Variants in GRIP2 observed in about 807,000 individuals in gnomAD.
The protein encoded by GRIP2 is glutamate receptor-interacting protein 2.
In GRIP2, 58 loss-of-function variants were observed where a neutral mutation model predicts 108.3. The ratio of observed to expected loss-of-function variants is 0.54; its 90% confidence interval spans 0.43 to 0.67. GRIP2 has a LOEUF of 0.67. GRIP2 is among the 30% of genes least tolerant of loss of function. The pLI is 0.00. For missense variants in GRIP2, 1,278 were observed against 1,430.6 expected (o/e 0.89, Z 1.72); for synonymous variants, 586 against 598.2 (o/e 0.98, Z 0.30).
upstream of GRIP2, among the ~76,000 whole-genome samples, chr3:14,544,775 G>C (rs1241690583): frequency 6.6e-6 from 1 of 152,222 alleles, no homozygotes; most frequent in East Asian, 1.9e-4. Flanking sequence ...ATTTCAGCCA[G>C]GTAGGCATTA....
chr3:14,574,132 G>T, the GRIP2 span: 1 of 977,516 alleles, frequency 1.0e-6, no homozygotes, highest in Non-Finnish European at 1.7e-6. Context: ...AAGTCCACGG[G>T]CACGATGCCA....
rs11718660 is a variant in GRIP2 at position 14,490,278 on chromosome 3, A to C, written c.*3387T>G. ...GGAATAGAGCCCACCTCCAAAGGCT[A>C]TTGGGAGGATCCAGCAAGCTCTTGC... On this transcript the variant is annotated 3_prime_UTR_variant, in exon 24 of 24. Transcript: ENST00000621039. The C allele has an allele frequency of 0.41, 62,519 of 152,370 alleles. 15,495 individuals are homozygous for C. The highest frequency in any genetic ancestry group is 0.54 in the Non-Finnish European group (36,739 of 68,134). The allele number at this position is 152,370 out of a possible 1,614,324, so 9.4% of individuals were successfully genotyped here.
intron 9 of GRIP2, among the ~76,000 whole-genome samples, chr3:14,519,083 C>T (rs1300148323): frequency 1.3e-5 from 2 of 152,176 alleles, no homozygotes; most frequent in Middle Eastern, 3.2e-3. Context: ...GTGCAGGCCG[C>T]GGCACCGAAC....
At chr3:14,599,448 C>T in the GRIP2 span, among the ~76,000 whole-genome samples, 1 of 152,092 alleles carries the variant, frequency 6.6e-6, no homozygotes, top group South Asian at 2.1e-4. Flanking sequence ...TTTGCTGCCG[C>T]CCTCAACTCC....
In GRIP2 at chr3:14,507,161, T is replaced by C. The variant is rs934778098; in HGVS notation, c.2219-181A>G. On this transcript the variant is annotated intron_variant, in intron 18 of 23. Coordinates refer to ENST00000621039, the MANE Select transcript of GRIP2 (RefSeq NM_001080423.4). The surrounding 1 kb of genome is among the most constrained non-coding windows in gnomAD (Gnocchi z 4.6). ...TGGGAAAACTGAGGCTCGGGGAAGC[T>C]GAGCAGCATGCCCGAGATCACACAG... is the stretch of plus-strand genomic sequence containing the variant. 1.3e-5 allele frequency among the ~76,000 whole-genome samples: 2 copies of C among 152,040 alleles called. No individual in the cohort carries two copies. Among genetic ancestry groups the C allele is most frequent in the African/African-American group, 4.8e-5 (2 of 41,380 alleles).
chr3:14,496,159 A>G (rs1693594025), intron 22 of GRIP2, among the ~76,000 whole-genome samples: 1 of 152,182 alleles, frequency 6.6e-6, no homozygotes, highest in Admixed American at 6.5e-5. Flanking sequence ...AAATAAATAC[A>G]TAGATAAAAT....
the GRIP2 span, among the ~76,000 whole-genome samples, chr3:14,567,940 G>A: frequency 1.1e-4 from 16 of 152,194 alleles, no homozygotes; most frequent in Non-Finnish European, 2.1e-4. Context: ...GGGAATAGGG[G>A]ACCCAACCAT....
chr3:14,527,926 T>G (rs929464730), intron 1 of GRIP2, among the ~76,000 whole-genome samples: 1 of 152,132 alleles, frequency 6.6e-6, no homozygotes, highest in Non-Finnish European at 1.5e-5. Context: ...AAATAAAAAT[T>G]TAAATATAGT....
In GRIP2 at chr3:14,506,471, G is replaced by A. The variant is rs141484858; in HGVS notation, c.2398+330C>T. On this transcript the variant is annotated intron_variant, in intron 19 of 23. Transcript: ENST00000621039. ...GAATGAACATTGTTGAGCACCTACTGTGTGCCAGACATTGGGCTAGGAAGG... is the reference window on the plus strand; with the variant it reads ...GAATGAACATTGTTGAGCACCTACTATGTGCCAGACATTGGGCTAGGAAGG... Among the ~76,000 whole-genome samples the A allele has an allele frequency of 2.0e-5, 3 of 152,310 alleles. No homozygotes were observed. The East Asian group carries it at 5.8e-4, about 29-fold the overall frequency.
At chr3:14,514,570 G>A in intron 11 of GRIP2, 92 bp from the exon 12 acceptor site, 1 of 1,326,502 alleles carries the variant, frequency 7.5e-7, no homozygotes, top group South Asian at 1.5e-5. Flanking sequence ...AGGCACTGGA[G>A]CCAGAGTGCA....
At chr3:14,526,941 C>A (rs1458258221) in intron 1 of GRIP2, among the ~76,000 whole-genome samples, 1 of 152,184 alleles carries the variant, frequency 6.6e-6, no homozygotes, top group Non-Finnish European at 1.5e-5. Context: ...AATCTCAACA[C>A]TTTGGGAGGC....
At chr3:14,555,981 C>T (rs1227036820) in exon 1 of GRIP2, 1 of 398,874 alleles carries the variant, frequency 2.5e-6, no homozygotes, top group Non-Finnish European at 4.4e-6. Flanking sequence ...CCGGCAGAGC[C>T]CTGTGCAGCC....
At chr3:14,577,757 AC>A in the GRIP2 span, among the ~76,000 whole-genome samples, 1 of 152,134 alleles carries the variant, frequency 6.6e-6, no homozygotes, top group East Asian at 1.9e-4. Context: ...GCTCACATGC[AC>A]CCTAGGTGCA....
the GRIP2 span, among the ~76,000 whole-genome samples, chr3:14,569,480 C>T: frequency 4.3e-3 from 650 of 152,306 alleles, 5 homozygotes; most frequent in Middle Eastern, 0.017. Context: ...GGGCAATGGG[C>T]TTGGCCAATC....
the GRIP2 span, among the ~76,000 whole-genome samples, chr3:14,583,340 C>A: frequency 3.3e-5 from 5 of 152,198 alleles, no homozygotes; most frequent in African/African-American, 1.2e-4. Flanking sequence ...GTGGTCAAAC[C>A]ATCATGAGAG....
chr3:14,540,638 G>A (rs966425652), upstream of GRIP2, among the ~76,000 whole-genome samples: 1 of 152,180 alleles, frequency 6.6e-6, no homozygotes, highest in Non-Finnish European at 1.5e-5. This position sits in a 1 kb window ranked among gnomAD's most constrained non-coding sequence, Gnocchi z 4.1. Flanking sequence ...TTTGGCAAAC[G>A]ACTCTTCCCT....
the GRIP2 span, among the ~76,000 whole-genome samples, chr3:14,586,662 A>G: frequency 1.3e-5 from 2 of 152,352 alleles, no homozygotes. Flanking sequence ...CTTAAAAATG[A>G]CAAGTGTAAG....
the GRIP2 span, among the ~76,000 whole-genome samples, chr3:14,578,046 T>C: frequency 7.2e-5 from 11 of 152,176 alleles, no homozygotes; most frequent in African/African-American, 2.2e-4. Flanking sequence ...AGACCTAGAC[T>C]CAGATTGAGC....
rs115668486 is a variant in GRIP2, at chr3:14,521,266, G to A, written c.712+376C>T. ...GCTGTCCCTGGACATTCCATGCCTC[G>A]CTCATTCCCTCACTCCCCTAGTGAG... On this transcript the variant is annotated intron_variant, in intron 7 of 23. Transcript: ENST00000621039. This position sits in a 1 kb window ranked among gnomAD's most constrained non-coding sequence, Gnocchi z 5.1. 813 of 185,952 alleles carry A rather than the reference G, an allele frequency of 4.4e-3. 4 individuals carry two copies. The highest frequency in any genetic ancestry group is 0.018 in the Middle Eastern group (8 of 438). The allele number at this position is 185,952 out of a possible 1,614,324, so 11.5% of individuals were successfully genotyped here.
Sources: gnomAD v4.1 joint callset for allele counts (sites outside exome capture counted in the v4.1 genomes callset) on GRCh38, gnomAD v4.1.1 for gene constraint, Gnocchi (gnomAD v3.1) non-coding constraint, MANE v1.5 for transcripts, NCBI Gene and HGNC (gene_info 2026-07-23, HGNC 2026-07-21) for gene names.